The following RBFOX1 variants were observed in gnomAD, a reference collection of about 807,000 sequenced individuals.
RBFOX1 encodes RNA binding fox-1 homolog 1, also known as RNA binding protein fox-1 homolog 1.
In RBFOX1, 8 loss-of-function variants were observed where a neutral mutation model predicts 57.7. The ratio of observed to expected loss-of-function variants is 0.14; its 90% CI spans 0.08 to 0.25. RBFOX1 has a LOEUF of 0.25. Among genes scored for constraint, RBFOX1 ranks in the 10% least tolerant of loss-of-function variants. RBFOX1 has a pLI of 1.00. For synonymous variants in RBFOX1, 326 were observed against 222.4 expected, an observed-to-expected ratio of 1.47 and a Z score of -4.15; for missense variants, 611 against 548.5, an observed-to-expected ratio of 1.11 and a Z score of -1.14.
intron 2 of RBFOX1, among the ~76,000 whole-genome samples, chr16:5,510,493 C>G (rs1003074667): frequency 1.8e-5 from 2 of 110,790 alleles, no homozygotes; most frequent in African/African-American, 4.0e-5. Context: ...TGTCATCACT[C>G]CCACCAAGTT....
At chr16:6,939,383 A>ATGTG (rs139095238) in intron 3 of RBFOX1, among the ~76,000 whole-genome samples, 1,694 of 149,464 alleles carry the variant, frequency 0.011, 32 homozygotes, top group African/African-American at 0.038. Context: ...ATATATGTGT[A>ATGTG]TGTGTGTGTG....
chr16:5,622,984 G>A (rs963584297), intron 3 of RBFOX1, among the ~76,000 whole-genome samples: 1 of 152,180 alleles, frequency 6.6e-6, no homozygotes, highest in Non-Finnish European at 1.5e-5. Context: ...GTATATGGGA[G>A]GATGTCTGTA....
intron 1 of RBFOX1, among the ~76,000 whole-genome samples, chr16:6,296,664 C>T (rs765653142): frequency 1.3e-5 from 2 of 152,270 alleles, no homozygotes; most frequent in South Asian, 4.1e-4. Context: ...TTGTGATCCA[C>T]CTGCCTCGGC....
chr16:6,796,569 C>G (rs191362440), intron 3 of RBFOX1, among the ~76,000 whole-genome samples: 13 of 152,272 alleles, frequency 8.5e-5, no homozygotes, highest in Admixed American at 7.8e-4. Flanking sequence ...TTTCATTTAT[C>G]TACTTCCTTC....
intron 1 of RBFOX1, among the ~76,000 whole-genome samples, chr16:5,289,828 T>C (rs1197626854): frequency 6.6e-6 from 1 of 152,222 alleles, no homozygotes; most frequent in African/African-American, 2.4e-5. Context: ...TGGCACTTCT[T>C]CAAAAGCTTA....
At chr16:7,572,555 A>G (rs964730192) in intron 5 of RBFOX1, among the ~76,000 whole-genome samples, 1 of 152,092 alleles carries the variant, frequency 6.6e-6, no homozygotes, top group Non-Finnish European at 1.5e-5. Context: ...AAAAATAATA[A>G]TAGGCTGGGC....
At chr16:7,591,622 A>G (rs1386590850) in intron 7 of RBFOX1, among the ~76,000 whole-genome samples, 5 of 152,076 alleles carry the variant, frequency 3.3e-5, no homozygotes, top group South Asian at 2.1e-4. Flanking sequence ...CAGGCCACCA[A>G]TCTCTTTTCT....
At chr16:7,388,644 CTTTTTTTT>C (rs61629644) in intron 4 of RBFOX1, among the ~76,000 whole-genome samples, 42 of 92,608 alleles carry the variant, frequency 4.5e-4, no homozygotes, top group South Asian at 3.1e-3. Context: ...GTTTCACTTA[CTTTTTTTT>C]TTTTTTTTTT....
chr16:6,720,547 A>G (rs1179731869), intron 3 of RBFOX1, among the ~76,000 whole-genome samples: 1 of 152,212 alleles, frequency 6.6e-6, no homozygotes, highest in Non-Finnish European at 1.5e-5. Context: ...GGAACAGCAA[A>G]GGCAGAGGCC....
At chr16:6,957,721 T>G (rs2082165488) in intron 3 of RBFOX1, among the ~76,000 whole-genome samples, 1 of 152,138 alleles carries the variant, frequency 6.6e-6, no homozygotes, top group African/African-American at 2.4e-5. Context: ...CAGCGTCATT[T>G]TACCCAGCCC....
chr16:6,316,939 C>G (rs539829903), intron 1 of RBFOX1, 56 bp from the exon 2 acceptor site: 23 of 1,478,772 alleles, frequency 1.6e-5, no homozygotes, highest in South Asian at 1.2e-4. Flanking sequence ...AAAGTGCGGA[C>G]AAAATTCAAG....
chr16:6,955,347 T>TGC (rs1057272649), intron 3 of RBFOX1, among the ~76,000 whole-genome samples: 6 of 79,600 alleles, frequency 7.5e-5, no homozygotes, highest in African/African-American at 4.1e-4. Flanking sequence ...TCCCCACATA[T>TGC]GCACACACAC....
intron 2 of RBFOX1, among the ~76,000 whole-genome samples, chr16:6,432,109 A>G (rs1312581159): frequency 6.6e-6 from 1 of 152,010 alleles, no homozygotes; most frequent in Non-Finnish European, 1.5e-5. Flanking sequence ...CTATAGGTGC[A>G]TACCATCAGG....
chr16:7,045,902 C>G (rs1401554996), intron 3 of RBFOX1, among the ~76,000 whole-genome samples: 2 of 152,148 alleles, frequency 1.3e-5, no homozygotes, highest in South Asian at 4.1e-4. Flanking sequence ...AGATGATCTG[C>G]CCACCTCGGC....
chr16:7,593,962 A>G (rs1391247297), intron 7 of RBFOX1, among the ~76,000 whole-genome samples: 1 of 152,104 alleles, frequency 6.6e-6, no homozygotes, highest in African/African-American at 2.4e-5. Context: ...TAGCCAGCCC[A>G]TTGCACAATA....
intron 1 of RBFOX1, among the ~76,000 whole-genome samples, chr16:5,368,058 C>A (rs2065768701): frequency 6.6e-6 from 1 of 152,206 alleles, no homozygotes; most frequent in South Asian, 2.1e-4. Context: ...GAGAGACCCA[C>A]ATGAGCTCTA....
chr16:5,373,854 G>A (rs1005101192), intron 1 of RBFOX1, among the ~76,000 whole-genome samples: 4 of 152,002 alleles, frequency 2.6e-5, no homozygotes, highest in Non-Finnish European at 5.9e-5. Flanking sequence ...TCCACCTGCC[G>A]TGGCCTCCCA....
intron 2 of RBFOX1, among the ~76,000 whole-genome samples, chr16:5,510,503 T>TTTA (rs34163084): frequency 0.51 from 77,484 of 151,684 alleles, 20,336 homozygotes; most frequent in African/African-American, 0.63. Context: ...CCCACCAAGT[T>TTTA]TTGGCCAAAG....
At position 6,808,062 on chromosome 16, in the gene RBFOX1, G is replaced by C. The variant is rs1001901414; in HGVS notation, c.-16+153412G>C. On this transcript the variant is annotated intron_variant, in intron 3 of 15. Coordinates refer to ENST00000550418, the MANE Select transcript of RBFOX1 (RefSeq NM_018723.4). Reference sequence around the variant, plus strand: ...TGTATATATACTATCCTATACAATAGAACTATATATATATAATCATACTCA... The same window carrying C: ...TGTATATATACTATCCTATACAATACAACTATATATATATAATCATACTCA... 2.0e-5 allele frequency among the ~76,000 whole-genome samples: 3 copies of C among 148,868 alleles called. No individual in the cohort carries two copies. In the Admixed American group the frequency reaches 2.0e-4, roughly 10 times the overall value.
Sources: gnomAD v4.1 joint callset for allele counts (sites outside exome capture counted in the v4.1 genomes callset) on GRCh38, gnomAD v4.1.1 for gene constraint, MANE v1.5 for transcripts, NCBI Gene and HGNC (gene_info 2026-07-23, HGNC 2026-07-21) for gene names.